NRCAM: variants seen among roughly 807,000 people sequenced by gnomAD.
The protein encoded by NRCAM is NgCAM-related cell adhesion molecule.
NRCAM carries 83 observed loss-of-function variants against 156.5 expected under a neutral mutation model. The ratio of observed to expected loss-of-function variants is 0.53; its 90% CI spans 0.44 to 0.64. The LOEUF is 0.64. Among genes scored for constraint, NRCAM ranks in the 30% least tolerant of loss-of-function variants. The probability of loss-of-function intolerance (pLI) is 0.00; values close to 1 mark genes in which losing one functional copy is unlikely to be tolerated. For synonymous variants in NRCAM, 538 were observed against 563.9 expected (o/e 0.95, Z 0.65); for missense variants, 1,417 against 1,597.3 (o/e 0.89, Z 1.92).
In NRCAM at chr7:108,316,246, G is replaced by C. The variant is rs145662660; in HGVS notation, c.-173-3515C>G. ...GTTCCCCTCTTCCTCTTGCTTTCAT[G>C]TACACTCTATCTTGCCCTCTCTCAT... On this transcript the variant is annotated intron_variant, in intron 2 of 32. Coordinates refer to ENST00000379028, the MANE Select transcript of NRCAM (RefSeq NM_001037132.4). Among the ~76,000 whole-genome samples the C allele has an allele frequency of 4.6e-4, 70 of 152,240 alleles. 1 individual carries two copies. The highest frequency in any genetic ancestry group is 1.6e-3 in the African/African-American group (67 of 41,536).
intron 32 of NRCAM, among the ~76,000 whole-genome samples, chr7:108,158,857 C>A (rs1244884911): frequency 6.6e-6 from 1 of 152,036 alleles, no homozygotes; most frequent in Non-Finnish European, 1.5e-5. Flanking sequence ...AAATTTAGCA[C>A]ATAGGTTATA....
intron 2 of NRCAM, among the ~76,000 whole-genome samples, chr7:108,335,640 C>G (rs984176793): frequency 1.2e-4 from 18 of 152,024 alleles, no homozygotes; most frequent in Admixed American, 2.0e-4. Flanking sequence ...GTCCTTAGAG[C>G]TAATTCCAGG....
intron 2 of NRCAM, among the ~76,000 whole-genome samples, chr7:108,353,329 TTTC>T (rs920850925): frequency 3.3e-5 from 5 of 152,062 alleles, no homozygotes; most frequent in African/African-American, 1.2e-4. Flanking sequence ...TTCTTCCTTC[TTTC>T]TTCTTCTTTC....
chr7:108,176,287 T>TATC, intron 27 of NRCAM, 143 bp downstream of exon 27: 5 of 690,840 alleles, frequency 7.2e-6, no homozygotes, highest in Non-Finnish European at 9.6e-6. Context: ...GCTGATTATA[T>TATC]ATCAGAATGA....
At chr7:108,192,175 C>T (rs1015329742) in intron 17 of NRCAM, among the ~76,000 whole-genome samples, 1 of 152,100 alleles carries the variant, frequency 6.6e-6, no homozygotes, top group Non-Finnish European at 1.5e-5. Flanking sequence ...GACCGCTGCT[C>T]TAGAGGGTGT....
chr7:108,390,246 AT>A (rs1177413195), intron 2 of NRCAM, among the ~76,000 whole-genome samples: 1 of 152,136 alleles, frequency 6.6e-6, no homozygotes, highest in Non-Finnish European at 1.5e-5. Context: ...TTATTGGTCT[AT>A]TCAGGGATTC....
At chr7:108,310,741 A>G (rs1053896868) in intron 3 of NRCAM, among the ~76,000 whole-genome samples, 1 of 152,156 alleles carries the variant, frequency 6.6e-6, no homozygotes, top group African/African-American at 2.4e-5. Flanking sequence ...AATTGGGAAG[A>G]CTCAGTATTT....
At chr7:108,381,554 T>C (rs983410448) in intron 2 of NRCAM, among the ~76,000 whole-genome samples, 2 of 147,868 alleles carry the variant, frequency 1.4e-5, no homozygotes, top group African/African-American at 5.2e-5. Flanking sequence ...TGACCATTTT[T>C]TTTTTTCTTT....
At chr7:108,456,141 G>A (rs563122494) in intron 1 of NRCAM, 102 bp downstream of exon 1, 1 of 152,848 alleles carries the variant, frequency 6.5e-6, no homozygotes, top group South Asian at 2.1e-4. Context: ...CCGCGGCGGT[G>A]TCCAAGTGAC....
chr7:108,258,143 G>A (rs2096754483), intron 3 of NRCAM, among the ~76,000 whole-genome samples: 1 of 152,150 alleles, frequency 6.6e-6, no homozygotes, highest in Admixed American at 6.5e-5. Flanking sequence ...GTGCTCTGAT[G>A]GAAATTCTGC....
At chr7:108,351,850 A>G (rs1352847469) in intron 2 of NRCAM, among the ~76,000 whole-genome samples, 1 of 151,558 alleles carries the variant, frequency 6.6e-6, no homozygotes, top group Non-Finnish European at 1.5e-5. Flanking sequence ...GTCTTTTTGC[A>G]TTTCCAGTGC....
chr7:108,290,809 G>C (rs1275387120), intron 3 of NRCAM, among the ~76,000 whole-genome samples: 1 of 152,038 alleles, frequency 6.6e-6, no homozygotes, highest in Non-Finnish European at 1.5e-5. Flanking sequence ...ATTCTTTCAG[G>C]GTTCTGAAAA....
At chr7:108,231,274 T>C in intron 7 of NRCAM, 121 bp from the exon 8 acceptor site, 2 of 640,338 alleles carry the variant, frequency 3.1e-6, no homozygotes, top group Non-Finnish European at 5.0e-6. Flanking sequence ...GTACACTAAA[T>C]TAATGAGAAA....
At chr7:108,189,173 G>A (rs973964385) in intron 20 of NRCAM, among the ~76,000 whole-genome samples, 1 of 152,150 alleles carries the variant, frequency 6.6e-6, no homozygotes, top group Non-Finnish European at 1.5e-5. Context: ...ACCTAGGTTG[G>A]AAGTTAAGGT....
At chr7:108,319,967 C>A (rs192854167) in intron 2 of NRCAM, among the ~76,000 whole-genome samples, 1 of 152,230 alleles carries the variant, frequency 6.6e-6, no homozygotes, top group Non-Finnish European at 1.5e-5. Flanking sequence ...GATTTGATCA[C>A]AAATAATACT....
At chr7:108,223,956 T>C (rs1483153544) in intron 10 of NRCAM, 120 bp from the exon 11 acceptor site, 2 of 616,492 alleles carry the variant, frequency 3.2e-6, no homozygotes, top group Non-Finnish European at 5.8e-6. Context: ...ACATTAATTG[T>C]GAAATTTGTT....
intron 10 of NRCAM, among the ~76,000 whole-genome samples, chr7:108,224,299 GACA>G (rs2093013486): frequency 7.1e-6 from 1 of 141,462 alleles, no homozygotes; most frequent in African/African-American, 2.6e-5. Flanking sequence ...TTACAGTGGG[GACA>G]ACATTATAGC....
chr7:108,338,167 G>A (rs1423962493), intron 2 of NRCAM, among the ~76,000 whole-genome samples: 5 of 152,214 alleles, frequency 3.3e-5, no homozygotes, highest in African/African-American at 7.2e-5. Context: ...AGATCATGGC[G>A]CAGCCAGAAG....
intron 3 of NRCAM, among the ~76,000 whole-genome samples, chr7:108,310,060 A>G (rs17333297): frequency 0.046 from 6,933 of 152,238 alleles, 199 homozygotes; most frequent in Middle Eastern, 0.095. Context: ...TCGGTATTGT[A>G]AAGTCCAAGG....
Sources: allele counts gnomAD v4.1 joint callset (sites outside exome capture counted in the v4.1 genomes callset), GRCh38; gene constraint gnomAD v4.1.1; transcripts MANE v1.5; gene names NCBI Gene and HGNC (gene_info 2026-07-23, HGNC 2026-07-21).